HPSE2: variants seen among roughly 807,000 people sequenced by gnomAD.
HPSE2 encodes the protein inactive heparanase-2.
In HPSE2, 38 loss-of-function variants were observed where a neutral mutation model predicts 60.5. The observed-to-expected ratio is 0.63, with a 90% CI of 0.48 to 0.82. HPSE2 has a LOEUF of 0.82. HPSE2 is among the 40% of genes least tolerant of loss of function. The probability of loss-of-function intolerance (pLI) is 0.00; values close to 1 mark genes in which losing one functional copy is unlikely to be tolerated. For missense variants in HPSE2, 713 were observed against 740.4 expected, an observed-to-expected ratio of 0.96 and a Z score of 0.43; for synonymous variants, 295 against 293.2, an observed-to-expected ratio of 1.01 and a Z score of -0.06.
At chr10:98,609,249 T>C (rs34318991) in intron 9 of HPSE2, among the ~76,000 whole-genome samples, 26,659 of 152,218 alleles carry the variant, frequency 0.18, 2,981 homozygotes, top group Admixed American at 0.26. Context: ...CCTGCTAACT[T>C]GTCTATCTCC....
chr10:99,184,786 T>TTTTATATATATA (rs1431394305), intron 2 of HPSE2, among the ~76,000 whole-genome samples: 5 of 25,280 alleles, frequency 2.0e-4, no homozygotes, highest in African/African-American at 7.1e-4. Context: ...CTATCCAAAA[T>TTTTATATATATA]TATATATATA....
chr10:98,993,671 C>T (rs1479973703), intron 3 of HPSE2, among the ~76,000 whole-genome samples: 1 of 152,184 alleles, frequency 6.6e-6, no homozygotes, highest in Non-Finnish European at 1.5e-5. Context: ...GATCCAGCAA[C>T]TAAGACTATG....
chr10:98,461,747 A>G, intron 11 of HPSE2: 2 of 1,560,374 alleles, frequency 1.3e-6, no homozygotes, highest in Non-Finnish European at 1.7e-6. Context: ...ATTAGGTGCA[A>G]ACCTTTCTTC....
chr10:99,170,038 A>T (rs1164719694), intron 2 of HPSE2, among the ~76,000 whole-genome samples: 2 of 152,206 alleles, frequency 1.3e-5, no homozygotes, highest in Non-Finnish European at 2.9e-5. Flanking sequence ...ATACAAAAAC[A>T]GGTGGTGGCA....
the HPSE2 span, among the ~76,000 whole-genome samples, chr10:99,274,514 AGAG>A: frequency 6.6e-6 from 1 of 152,226 alleles, no homozygotes; most frequent in African/African-American, 2.4e-5. Context: ...AAGCATTAAT[AGAG>A]GAGTAAGGTT....
intron 3 of HPSE2, among the ~76,000 whole-genome samples, chr10:98,888,068 G>C (rs1953219326): frequency 6.6e-6 from 1 of 151,220 alleles, no homozygotes; most frequent in African/African-American, 2.4e-5. Flanking sequence ...TGGATCGTTT[G>C]TAACTCAAAG....
chr10:99,310,987 CAT>C, the HPSE2 span, among the ~76,000 whole-genome samples: 1 of 152,002 alleles, frequency 6.6e-6, no homozygotes, highest in African/African-American at 2.4e-5. Flanking sequence ...TCTCCTATAA[CAT>C]AATTTTTCAT....
chr10:99,168,605 A>G (rs1006327062), intron 2 of HPSE2, among the ~76,000 whole-genome samples: 2 of 152,200 alleles, frequency 1.3e-5, no homozygotes, highest in African/African-American at 4.8e-5. Flanking sequence ...CTGGTAGGCT[A>G]TCTTTCTTAG....
chr10:98,842,303 T>C (rs780578467), intron 3 of HPSE2, among the ~76,000 whole-genome samples: 5 of 152,144 alleles, frequency 3.3e-5, no homozygotes, highest in Non-Finnish European at 7.3e-5. Flanking sequence ...ACTATCTTTT[T>C]ATATGTGTGC....
At chr10:99,011,084 TC>T (rs1957002407) in intron 3 of HPSE2, among the ~76,000 whole-genome samples, 1 of 152,074 alleles carries the variant, frequency 6.6e-6, no homozygotes, top group Admixed American at 6.6e-5. Flanking sequence ...ATCATTTAGT[TC>T]CCATTTGTAA....
intron 6 of HPSE2, among the ~76,000 whole-genome samples, chr10:98,666,678 A>T (rs1164423515): frequency 6.6e-6 from 1 of 152,230 alleles, no homozygotes; most frequent in East Asian, 1.9e-4. Flanking sequence ...TTGCTCCTGA[A>T]TAACTCTTGA....
At chr10:98,499,960 C>T (rs1941977055) in intron 9 of HPSE2, among the ~76,000 whole-genome samples, 1 of 152,132 alleles carries the variant, frequency 6.6e-6, no homozygotes, top group African/African-American at 2.4e-5. Flanking sequence ...CCTTGGCTAA[C>T]AGGAAAATAT....
chr10:99,313,411 G>A, the HPSE2 span, among the ~76,000 whole-genome samples: 1 of 152,086 alleles, frequency 6.6e-6, no homozygotes, highest in Non-Finnish European at 1.5e-5. Context: ...TGCAATCTCA[G>A]GATAAAATTT....
At chr10:99,117,556 TATAA>T (rs1844760709) in intron 3 of HPSE2, among the ~76,000 whole-genome samples, 1 of 148,888 alleles carries the variant, frequency 6.7e-6, no homozygotes, top group Non-Finnish European at 1.5e-5. Context: ...CCCACAGAAA[TATAA>T]ATAATCATAA....
intron 3 of HPSE2, among the ~76,000 whole-genome samples, chr10:99,063,895 T>A (rs1245846315): frequency 6.6e-6 from 1 of 152,000 alleles, no homozygotes; most frequent in African/African-American, 2.4e-5. Context: ...GAGATTGAGA[T>A]CATCCTGGCC....
At chr10:98,576,848 T>C (rs1252793618) in intron 9 of HPSE2, among the ~76,000 whole-genome samples, 1 of 152,038 alleles carries the variant, frequency 6.6e-6, no homozygotes, top group Admixed American at 6.6e-5. Flanking sequence ...TTAGCCCTCC[T>C]TTTTTTATTG....
chr10:98,523,873 C>A (rs958161869), intron 9 of HPSE2, among the ~76,000 whole-genome samples: 1 of 152,246 alleles, frequency 6.6e-6, no homozygotes, highest in Non-Finnish European at 1.5e-5. Flanking sequence ...CTCCTCCTAT[C>A]TTCTCTACCT....
chr10:98,734,898 C>CACACAG (rs1412587911), intron 4 of HPSE2, among the ~76,000 whole-genome samples: 1 of 150,722 alleles, frequency 6.6e-6, no homozygotes, highest in Non-Finnish European at 1.5e-5. Flanking sequence ...TACACACACA[C>CACACAG]ACACACACAC....
At chr10:99,054,843 T>C (rs1958073981) in intron 3 of HPSE2, among the ~76,000 whole-genome samples, 1 of 152,114 alleles carries the variant, frequency 6.6e-6, no homozygotes, top group Non-Finnish European at 1.5e-5. Context: ...CTTGAGTAGC[T>C]GGGATTACAG....
Sources: gnomAD v4.1 joint callset for allele counts (sites outside exome capture counted in the v4.1 genomes callset) on GRCh38, gnomAD v4.1.1 for gene constraint, MANE v1.5 for transcripts, NCBI Gene and HGNC (gene_info 2026-07-23, HGNC 2026-07-21) for gene names.